The following TENM4 variants were observed in gnomAD, a reference collection of about 807,000 sequenced individuals.
TENM4 encodes the protein teneurin transmembrane protein 4.
A neutral mutation model predicts 243.3 loss-of-function variants in TENM4; 82 were observed. The ratio of observed to expected loss-of-function variants is 0.34; its 90% CI spans 0.28 to 0.40. The LOEUF (loss-of-function observed/expected upper bound fraction) is 0.40. Ranked by LOEUF, TENM4 falls within the 10% of genes least tolerant of loss-of-function variation. The probability of loss-of-function intolerance (pLI) is 1.00; values close to 1 mark genes in which losing one functional copy is unlikely to be tolerated. For synonymous variants in TENM4, 1,412 were observed against 1,456.3 expected, an observed-to-expected ratio of 0.97 and a Z score of 0.69; for missense variants, 3,138 against 3,673.3, an observed-to-expected ratio of 0.85 and a Z score of 3.77.
chr11:79,141,410 A>T (rs114300569), intron 4 of TENM4, among the ~76,000 whole-genome samples: 27,456 of 151,944 alleles, frequency 0.18, 2,696 homozygotes, highest in East Asian at 0.34. Flanking sequence ...ATAAATTCCT[A>T]GACATACACA....
chr11:79,268,728 A>G (rs995734047), intron 2 of TENM4, among the ~76,000 whole-genome samples: 1 of 152,200 alleles, frequency 6.6e-6, no homozygotes, highest in Admixed American at 6.5e-5. Context: ...CTCATAATGT[A>G]AAAAGTTTCC....
chr11:79,405,459 G>C (rs1365994276), intron 1 of TENM4, among the ~76,000 whole-genome samples: 3 of 146,546 alleles, frequency 2.0e-5, no homozygotes, highest in Admixed American at 1.4e-4. Context: ...ATTTAGAATT[G>C]TAGAAGAAGG....
In TENM4 at chr11:78,994,219, T is replaced by A. The variant is rs546501325; in HGVS notation, c.493+70519A>T. 9.8e-5 allele frequency among the ~76,000 whole-genome samples: 15 copies of A among 152,348 alleles called. No individual in the cohort carries two copies. In the South Asian group the frequency reaches 3.1e-3, roughly 32 times the overall value. On this transcript the variant is annotated intron_variant, in intron 6 of 33. Coordinates refer to ENST00000278550, the MANE Select transcript of TENM4 (RefSeq NM_001098816.3). ...AACATCTCTCAGCCTGGTGTGAATGTCAGCATGCAGCTGCTTGGTAGTTGT... is the reference window on the plus strand; with the variant it reads ...AACATCTCTCAGCCTGGTGTGAATGACAGCATGCAGCTGCTTGGTAGTTGT...
intron 1 of TENM4, among the ~76,000 whole-genome samples, chr11:79,410,279 C>T (rs1324903174): frequency 6.6e-6 from 1 of 152,158 alleles, no homozygotes; most frequent in Non-Finnish European, 1.5e-5. Flanking sequence ...TTAGGAAGAA[C>T]CCAAACTAAG....
At chr11:78,824,168 A>G (rs924891451) in intron 12 of TENM4, among the ~76,000 whole-genome samples, 1 of 152,228 alleles carries the variant, frequency 6.6e-6, no homozygotes, top group Non-Finnish European at 1.5e-5. Context: ...GTTGCTATAA[A>G]GAAATACTGG....
chr11:78,889,952 G>T lies in TENM4; in HGVS notation c.917C>A (p.Thr306Lys). 6.4e-7 allele frequency: 1 copy of T among 1,551,606 alleles called. No homozygotes were observed. The highest frequency in any genetic ancestry group is 8.7e-7 in the Non-Finnish European group (1 of 1,146,956). ...CGGAGGAGAGTACACTGTGCTGGAC[G>T]TCAGTGGGTACCCTGGTGATGTGGT... is the stretch of plus-strand genomic sequence containing the variant. ...FCTTSPGYPL[T>K]SSTVYSPPPR... is the part of the protein sequence containing the mutation. Residue 306 changes from threonine to lysine, a missense_variant, in exon 9 of 34, where the codon ACG becomes AAG. Coordinates refer to ENST00000278550, the MANE Select transcript of TENM4 (RefSeq NM_001098816.3).
chr11:78,732,650 CAAAG>C lies in TENM4; in HGVS notation c.2877-77_2877-74del, dbSNP rs1448978582. 43 of 1,470,916 alleles carry C rather than the reference CAAAG, an allele frequency of 2.9e-5. No individual in the cohort carries two copies. The East Asian group carries it at 7.5e-4, about 25-fold the overall frequency. The allele number at this position is 1,470,916 out of a possible 1,614,324, so 91.1% of individuals were successfully genotyped here. Reference sequence around the variant, plus strand: ...GGAACCAGGATGAGAAAGAGAGAGACAAAGAAAGGGGAGAAAATTACACCAAAGG... The same window carrying C: ...GGAACCAGGATGAGAAAGAGAGAGACAAAGGGGAGAAAATTACACCAAAGG... On this transcript the variant is annotated intron_variant, in intron 20 of 33. Transcript: ENST00000278550.
Position 79,099,855 on chromosome 11 carries a change from T to G in TENM4, c.-65-29846A>C, listed in dbSNP as rs79791816. 4.8e-3 allele frequency among the ~76,000 whole-genome samples: 727 copies of G among 152,316 alleles called. 5 individuals are homozygous for G. Among genetic ancestry groups the G allele is most frequent in the African/African-American group, 0.017 (696 of 41,566 alleles). ...CCCATCTATCTGCCTAGCAAACACT[T>G]GTACTGTAACCTTCATGGGTGCCCA... On this transcript the variant is annotated intron_variant, in intron 4 of 33. Coordinates refer to ENST00000278550, the MANE Select transcript of TENM4 (RefSeq NM_001098816.3).
chr11:79,220,659 A>G (rs997572615), intron 2 of TENM4, among the ~76,000 whole-genome samples: 12 of 152,230 alleles, frequency 7.9e-5, no homozygotes, highest in Admixed American at 2.0e-4. Flanking sequence ...TGCTGAAACT[A>G]CAGCAAGCTA....
intron 2 of TENM4, among the ~76,000 whole-genome samples, chr11:79,268,928 T>C (rs1855923741): frequency 6.6e-6 from 1 of 152,224 alleles, no homozygotes; most frequent in Non-Finnish European, 1.5e-5. Context: ...AGGCATGAGT[T>C]ATAGGATTGC....
At chr11:78,761,135 A>G (rs1460568727) in intron 18 of TENM4, among the ~76,000 whole-genome samples, 3 of 151,948 alleles carry the variant, frequency 2.0e-5, no homozygotes, top group Non-Finnish European at 4.4e-5. Flanking sequence ...CTCATGGTCA[A>G]TCATTTCCTA....
chr11:79,364,988 A>C (rs1857651975), intron 1 of TENM4, among the ~76,000 whole-genome samples: 1 of 152,212 alleles, frequency 6.6e-6, no homozygotes, highest in Non-Finnish European at 1.5e-5. Context: ...CTGTTGGGAG[A>C]CATGTTTCAA....
rs774662955 is a variant in TENM4, at chr11:78,670,555, G to A, written c.5794-4C>T. The stretch of plus-strand genomic sequence containing the variant: ...TGTGTAGTAGCAGCACCATGGACTG[G>A]AGGGAGAGGAAAACCAAGAGATGAG... On this transcript the variant is annotated splice_region_variant and splice_polypyrimidine_tract_variant and intron_variant, in intron 31 of 33. Transcript: ENST00000278550. The A allele has an allele frequency of 1.3e-6, 2 of 1,593,794 alleles. No homozygotes were observed. The highest frequency in any genetic ancestry group is 3.4e-5 in the Admixed American group (2 of 58,910).
intron 15 of TENM4, among the ~76,000 whole-genome samples, chr11:78,792,743 A>G (rs916262995): frequency 3.0e-4 from 45 of 152,342 alleles, no homozygotes; most frequent in Admixed American, 2.5e-3. Flanking sequence ...GCCACGTTGT[A>G]CACAGGTTAT....
chr11:78,722,575 C>A, intron 24 of TENM4, 93 bp downstream of exon 24: 1 of 1,515,000 alleles, frequency 6.6e-7, no homozygotes, highest in Non-Finnish European at 8.9e-7. Flanking sequence ...TGTCCTATCC[C>A]ACTTCCCTGG....
At chr11:79,007,595 G>T (rs1310828486) in intron 6 of TENM4, among the ~76,000 whole-genome samples, 1 of 152,166 alleles carries the variant, frequency 6.6e-6, no homozygotes, top group East Asian at 1.9e-4. Flanking sequence ...CTGAGACAAG[G>T]AGTAAGGCAG....
intron 2 of TENM4, among the ~76,000 whole-genome samples, chr11:79,231,394 T>C (rs1289827802): frequency 6.6e-6 from 1 of 152,196 alleles, no homozygotes; most frequent in Non-Finnish European, 1.5e-5. Flanking sequence ...ATTTTTTTTT[T>C]TTTAATTTAA....
chr11:79,362,952 G>C (rs1278980173), intron 1 of TENM4, among the ~76,000 whole-genome samples: 1 of 152,196 alleles, frequency 6.6e-6, no homozygotes, highest in African/African-American at 2.4e-5. Context: ...TAAGATGTCA[G>C]CAGTGGCAAT....
In TENM4 at chr11:78,786,964, G is replaced by A; in HGVS notation, c.2299C>T (p.His767Tyr). Residue 767 changes from histidine to tyrosine, a missense_variant, in exon 16 of 34, where the codon CAT becomes TAT. Physicochemically the swap from His to Tyr is moderately conservative, Grantham distance 83 (BLOSUM62 2). This residue lies in a region of TENM4 where 2,467 missense variants were observed against 3,059.1 expected (regional missense o/e 0.81). Transcript: ENST00000278550. The part of the protein sequence containing the change: ...QRACHPRCAE[H>Y]GTCRDGKCEC... ...CACTTGCCGTCGCGGCAGGTCCCAT[G>A]CTCGGCACAGCGCGGGTGGCAGGCC... 6.3e-7 allele frequency: 1 copy of A among 1,596,670 alleles called. No homozygotes were observed. Among genetic ancestry groups the A allele is most frequent in the African/African-American group, 1.3e-5 (1 of 74,724 alleles).
Sources: allele counts gnomAD v4.1 joint callset (sites outside exome capture counted in the v4.1 genomes callset), GRCh38; gene constraint gnomAD v4.1.1; regional missense constraint gnomAD v4.1.1; transcripts MANE v1.5; gene names NCBI Gene and HGNC (gene_info 2026-07-23, HGNC 2026-07-21).